CD58: variants seen among roughly 807,000 people sequenced by gnomAD.
CD58 encodes CD58 molecule.
Under a neutral mutation model 27.6 loss-of-function variants are expected in CD58, and 14 were observed. The ratio of observed to expected loss-of-function variants is 0.51; its 90% CI spans 0.34 to 0.79. The LOEUF (loss-of-function observed/expected upper bound fraction) is 0.79, where lower values mean the gene tolerates loss of function less well. Among genes scored for constraint, CD58 ranks in the 30% least tolerant of loss-of-function variants. CD58 has a pLI of 0.02. For missense variants in CD58, 268 were observed against 301.7 expected (o/e 0.89, Z 0.83); for synonymous variants, 117 against 103.8 (o/e 1.13, Z -0.77).
chr1:116,530,633 A>C (rs1490590012), intron 3 of CD58, among the ~76,000 whole-genome samples: 1 of 152,230 alleles, frequency 6.6e-6, no homozygotes. Flanking sequence ...AATGTGAGTT[A>C]GTTTGCTTCA....
At position 116,563,965 on chromosome 1, in the gene CD58, T is replaced by A. The variant is rs1159002884; in HGVS notation, c.70+6938A>T. 2.0e-5 allele frequency among the ~76,000 whole-genome samples: 3 copies of A among 152,258 alleles called. No homozygotes were observed. The highest frequency in any genetic ancestry group is 4.8e-5 in the African/African-American group (2 of 41,474). ...GGGGTTTTTCTTTTCTATTGCATCA[T>A]TGGGCTGCAAATTTTTTGAACTTTT... is the stretch of plus-strand genomic sequence containing the variant. On this transcript the variant is annotated intron_variant, in intron 1 of 5. Transcript: ENST00000369489. This position sits in a 1 kb window ranked among gnomAD's most constrained non-coding sequence, Gnocchi z 4.1.
In CD58 at chr1:116,530,117, C is replaced by T. The variant is rs540952444; in HGVS notation, c.628+5848G>A. ...CAGGATGGTATCATACAAAAACACT[C>T]TGGAATTCAAAGACCTAAATTTTAA... On this transcript the variant is annotated intron_variant, in intron 3 of 5. Coordinates refer to ENST00000369489, the MANE Select transcript of CD58 (RefSeq NM_001779.3). Among the ~76,000 whole-genome samples the T allele has an allele frequency of 3.8e-4, 58 of 152,070 alleles. 1 individual carries two copies. Among genetic ancestry groups the T allele is most frequent in the African/African-American group, 1.2e-3 (51 of 41,484 alleles).
intron 1 of CD58, among the ~76,000 whole-genome samples, chr1:116,553,192 C>G (rs1254684457): frequency 1.3e-5 from 2 of 150,886 alleles, no homozygotes; most frequent in African/African-American, 4.9e-5. Flanking sequence ...TTTAAAGGCT[C>G]CTTATATGTT....
Position 116,517,575 on chromosome 1 carries a change from C to T in CD58, c.743+1656G>A, listed in dbSNP as rs1657120161. On this transcript the variant is annotated intron_variant, in intron 5 of 5. Transcript: ENST00000369489. The surrounding 1 kb of genome is among the most constrained non-coding windows in gnomAD (Gnocchi z 6.5). ...AAAACCAAAGGTCTTAACCCCTCGC[C>T]TACCTCCTTGTCTCTGCAGCTTTAA... Among the ~76,000 whole-genome samples, 2 of 152,332 alleles carry T rather than the reference C, an allele frequency of 1.3e-5. No homozygotes were observed. The highest frequency in any genetic ancestry group is 4.1e-4 in the South Asian group (2 of 4,832).
rs1443477438 is a variant in CD58, at chr1:116,527,926, G to C, written c.629-5943C>G. On this transcript the variant is annotated intron_variant, in intron 3 of 5. Transcript: ENST00000369489. This position sits in a 1 kb window ranked among gnomAD's most constrained non-coding sequence, Gnocchi z 4.4. ...TACAGACACATGCCACAACACCTCA[G>C]TAACTTTTTAATTTTTAGTAGAGAT... Among the ~76,000 whole-genome samples, 1 of 152,070 alleles carries C rather than the reference G, an allele frequency of 6.6e-6. No homozygotes were observed. The highest frequency in any genetic ancestry group is 2.4e-5 in the African/African-American group (1 of 41,404).
At position 116,516,733 on chromosome 1, in the gene CD58, T is replaced by A. The variant is rs1275056759; in HGVS notation, c.744-1911A>T. ...TTTCTGATTATTCTGGCCTCTCCAA[T>A]TCCTCTGCGTTGGTTGCTCAGCCCT... is the stretch of plus-strand genomic sequence containing the variant. On this transcript the variant is annotated intron_variant, in intron 5 of 5. Coordinates refer to ENST00000369489, the MANE Select transcript of CD58 (RefSeq NM_001779.3). The surrounding 1 kb of genome is among the most constrained non-coding windows in gnomAD (Gnocchi z 6.1). Among the ~76,000 whole-genome samples, 3 of 152,166 alleles carry A rather than the reference T, an allele frequency of 2.0e-5. No homozygotes were observed. Among genetic ancestry groups the A allele is most frequent in the African/African-American group, 7.2e-5 (3 of 41,444 alleles).
chr1:116,527,977 G>A lies in CD58; in HGVS notation c.629-5994C>T, dbSNP rs998226505. On this transcript the variant is annotated intron_variant, in intron 3 of 5. Transcript: ENST00000369489. This position sits in a 1 kb window ranked among gnomAD's most constrained non-coding sequence, Gnocchi z 4.4. Reference sequence around the variant, plus strand: ...AGGGTCTCCCTATGTTGCCCAGGCTGGTCTCGAACTCTCAGCCTCAAGCAA... The same window carrying A: ...AGGGTCTCCCTATGTTGCCCAGGCTAGTCTCGAACTCTCAGCCTCAAGCAA... Among the ~76,000 whole-genome samples the A allele has an allele frequency of 6.6e-6, 1 of 152,270 alleles. No individual in the cohort carries two copies. Among genetic ancestry groups the A allele is most frequent in the South Asian group, 2.1e-4 (1 of 4,832 alleles).
chr1:116,515,109 G>GCTGA lies in CD58; in HGVS notation c.744-291_744-288dup, dbSNP rs1479920450. Among the ~76,000 whole-genome samples the GCTGA allele has an allele frequency of 6.6e-6, 1 of 152,176 alleles. No individual in the cohort carries two copies. Among genetic ancestry groups the GCTGA allele is most frequent in the Non-Finnish European group, 1.5e-5 (1 of 68,024 alleles). On this transcript the variant is annotated intron_variant, in intron 5 of 5. Transcript: ENST00000369489. This position sits in a 1 kb window ranked among gnomAD's most constrained non-coding sequence, Gnocchi z 4.6. ...TATAACTGAAAGATTGAACAACAGA[G>GCTGA]CTGAGACTGTTAGACCCACATGTAA...
In CD58 at chr1:116,524,481, T is replaced by G. The variant is rs1657369052; in HGVS notation, c.629-2498A>C. Among the ~76,000 whole-genome samples the G allele has an allele frequency of 1.3e-5, 2 of 152,254 alleles. No homozygotes were observed. The highest frequency in any genetic ancestry group is 4.1e-4 in the South Asian group (2 of 4,838). ...ACATTAATGGGTCATGCTGGCATTA[T>G]GCTGAACCCTATTAAGCTGCCAAGA... On this transcript the variant is annotated intron_variant, in intron 3 of 5. Coordinates refer to ENST00000369489, the MANE Select transcript of CD58 (RefSeq NM_001779.3). This position sits in a 1 kb window ranked among gnomAD's most constrained non-coding sequence, Gnocchi z 4.6.
chr1:116,542,864 C>A (rs1658035715), intron 2 of CD58, among the ~76,000 whole-genome samples: 1 of 152,130 alleles, frequency 6.6e-6, no homozygotes, highest in East Asian at 1.9e-4. Flanking sequence ...GTGGAAATTG[C>A]CCTCTGATTG....
rs1658199461 is a variant in CD58, at chr1:116,546,961, GTAAGTATATTTTCTTCC to G, written c.71-2374_71-2358del. Among the ~76,000 whole-genome samples the G allele has an allele frequency of 6.6e-6, 1 of 151,784 alleles. No individual in the cohort carries two copies. The highest frequency in any genetic ancestry group is 2.4e-5 in the African/African-American group (1 of 41,300). ...ACCTTTGATGATCCACTTTCACTTA[GTAAGTATATTTTCTTCC>G]TTATGCTTTTTTTTCTTTTTTAAAT... On this transcript the variant is annotated intron_variant, in intron 1 of 5. Transcript: ENST00000369489. The surrounding 1 kb of genome is among the most constrained non-coding windows in gnomAD (Gnocchi z 4.1).
chr1:116,545,614 G>A (rs1040245899), intron 1 of CD58, among the ~76,000 whole-genome samples: 2 of 152,132 alleles, frequency 1.3e-5, no homozygotes, highest in Non-Finnish European at 2.9e-5. Context: ...GAAGCAAGTC[G>A]AGGGTGTGAT....
At position 116,523,620 on chromosome 1, in the gene CD58, A is replaced by G. The variant is rs1657338219; in HGVS notation, c.629-1637T>C. On this transcript the variant is annotated intron_variant, in intron 3 of 5. Coordinates refer to ENST00000369489, the MANE Select transcript of CD58 (RefSeq NM_001779.3). This position sits in a 1 kb window ranked among gnomAD's most constrained non-coding sequence, Gnocchi z 4.4. ...ATAATACTCCCCAAGTAGTGTTTGT[A>G]TACTTCCCTTAGGTGGCATACGATG... 6.6e-6 allele frequency among the ~76,000 whole-genome samples: 1 copy of G among 152,158 alleles called. No homozygotes were observed. Among genetic ancestry groups the G allele is most frequent in the Non-Finnish European group, 1.5e-5 (1 of 68,024 alleles).
rs560718346 is a variant in CD58, at chr1:116,528,305, C to T, written c.629-6322G>A. Among the ~76,000 whole-genome samples, 15 of 152,064 alleles carry T rather than the reference C, an allele frequency of 9.9e-5. No individual in the cohort carries two copies. Among genetic ancestry groups the T allele is most frequent in the East Asian group, 3.9e-4 (2 of 5,180 alleles). On this transcript the variant is annotated intron_variant, in intron 3 of 5. Coordinates refer to ENST00000369489, the MANE Select transcript of CD58 (RefSeq NM_001779.3). This position sits in a 1 kb window ranked among gnomAD's most constrained non-coding sequence, Gnocchi z 4.4. ...TCCTTCTTCTCCTTTTTCCTATTTC[C>T]GCATATTTTTGTGTTTCTATGATGA...
At chr1:116,569,018 A>T (rs1430643230) in intron 1 of CD58, among the ~76,000 whole-genome samples, 1 of 152,240 alleles carries the variant, frequency 6.6e-6, no homozygotes, top group Non-Finnish European at 1.5e-5. Context: ...CTTCTGAATG[A>T]ATACATGAAT....
rs553291889 is a variant in CD58 at position 116,541,465 on chromosome 1, G to C, written c.364+2846C>G. ...TGGGGCCATTAGAAAGTTCCACACA[G>C]ATGAGTGACATGATCTGACTTCTGT... On this transcript the variant is annotated intron_variant, in intron 2 of 5. Coordinates refer to ENST00000369489, the MANE Select transcript of CD58 (RefSeq NM_001779.3). This position sits in a 1 kb window ranked among gnomAD's most constrained non-coding sequence, Gnocchi z 5.3. 8.5e-5 allele frequency among the ~76,000 whole-genome samples: 13 copies of C among 152,356 alleles called. No homozygotes were observed. The highest frequency in any genetic ancestry group is 2.9e-4 in the African/African-American group (12 of 41,588).
chr1:116,539,277 G>T (rs894788056), intron 2 of CD58, among the ~76,000 whole-genome samples: 1 of 152,204 alleles, frequency 6.6e-6, no homozygotes, highest in Non-Finnish European at 1.5e-5. Context: ...TCACTGAGTA[G>T]GAGTTGGGAG....
At position 116,521,332 on chromosome 1, in the gene CD58, T is replaced by C. The variant is rs559238392; in HGVS notation, c.706+574A>G. ...AGAATTACAGCCTGCTCCCTGTCCTTTGGGATTTGAGAGGGATTACTCATT... is the reference window on the plus strand; with the variant it reads ...AGAATTACAGCCTGCTCCCTGTCCTCTGGGATTTGAGAGGGATTACTCATT... On this transcript the variant is annotated intron_variant, in intron 4 of 5. Transcript: ENST00000369489. This position sits in a 1 kb window ranked among gnomAD's most constrained non-coding sequence, Gnocchi z 5.6. Among the ~76,000 whole-genome samples, 5 of 152,296 alleles carry C rather than the reference T, an allele frequency of 3.3e-5. No individual in the cohort carries two copies. The highest frequency in any genetic ancestry group is 7.3e-5 in the Non-Finnish European group (5 of 68,030).
At position 116,544,608 on chromosome 1, in the gene CD58, G is replaced by A. The variant is rs1345480333; in HGVS notation, c.71-4C>T. On this transcript the variant is annotated splice_polypyrimidine_tract_variant and splice_region_variant and intron_variant, in intron 1 of 5. Transcript: ENST00000369489. ...TGGGAAAAACAGCTGATGAAACCTA[G>A]GAGAGAAAAAAAAATTGGTTAGAAA... The A allele has an allele frequency of 1.3e-6, 2 of 1,551,154 alleles. No individual in the cohort carries two copies. Among genetic ancestry groups the A allele is most frequent in the Admixed American group, 2.2e-5 (1 of 46,030 alleles).
Sources: allele counts gnomAD v4.1 joint callset (sites outside exome capture counted in the v4.1 genomes callset), GRCh38; gene constraint gnomAD v4.1.1; non-coding constraint Gnocchi (gnomAD v3.1); transcripts MANE v1.5; gene names NCBI Gene and HGNC (gene_info 2026-07-23, HGNC 2026-07-21).